Variants in SLC10A7 observed in about 807,000 individuals in gnomAD.
SLC10A7 encodes the protein sodium/bile acid cotransporter 7.
In SLC10A7, 29 loss-of-function variants were observed where a neutral mutation model predicts 43.2. The ratio of observed to expected loss-of-function variants is 0.67; its 90% CI spans 0.50 to 0.92. The LOEUF (loss-of-function observed/expected upper bound fraction) is 0.92. Among genes scored for constraint, SLC10A7 ranks in the 40% least tolerant of loss-of-function variants. The pLI, the probability that SLC10A7 is intolerant of heterozygous loss-of-function variation, is 0.00. For missense variants in SLC10A7, 295 were observed against 403.2 expected (o/e 0.73, Z 2.30); for synonymous variants, 152 against 144.8 (o/e 1.05, Z -0.35).
intron 5 of SLC10A7, among the ~76,000 whole-genome samples, chr4:146,435,585 T>G (rs1343579501): frequency 6.6e-6 from 1 of 152,172 alleles, no homozygotes; most frequent in African/African-American, 2.4e-5. Context: ...CACCACACTA[T>G]TATGCCAGAA....
intron 5 of SLC10A7, among the ~76,000 whole-genome samples, chr4:146,418,977 G>A (rs1341687499): frequency 6.6e-6 from 1 of 152,160 alleles, no homozygotes; most frequent in Non-Finnish European, 1.5e-5. Flanking sequence ...TTATGATAAA[G>A]GATATTACAA....
chr4:146,475,523 C>A (rs1279614275), intron 4 of SLC10A7, among the ~76,000 whole-genome samples: 1 of 152,148 alleles, frequency 6.6e-6, no homozygotes, highest in Non-Finnish European at 1.5e-5. Flanking sequence ...CCACGATTGC[C>A]CTTCTTGAGC....
At chr4:146,467,454 AACACACACACACACACACAC>A (rs35773390) in intron 4 of SLC10A7, among the ~76,000 whole-genome samples, 1 of 140,728 alleles carries the variant, frequency 7.1e-6, no homozygotes, top group Non-Finnish European at 1.5e-5. Flanking sequence ...AGCAGGTTTA[AACACACACACACACACACAC>A]ACACACACAC....
intron 5 of SLC10A7, among the ~76,000 whole-genome samples, chr4:146,410,270 C>G (rs1431664472): frequency 2.0e-5 from 3 of 152,122 alleles, no homozygotes; most frequent in Non-Finnish European, 4.4e-5. Context: ...ATCAGTCTGC[C>G]AATTAAAGAC....
At chr4:146,489,021 C>T (rs1181341866) in intron 4 of SLC10A7, among the ~76,000 whole-genome samples, 1 of 152,136 alleles carries the variant, frequency 6.6e-6, no homozygotes. Flanking sequence ...CATTCCCTGC[C>T]ATCTAATGAG....
chr4:146,492,114 G>C (rs1735508758), intron 4 of SLC10A7, among the ~76,000 whole-genome samples: 1 of 151,968 alleles, frequency 6.6e-6, no homozygotes, highest in African/African-American at 2.4e-5. Context: ...CAGCTACTTG[G>C]GAGGCTGAGG....
At chr4:146,519,217 TGA>T (rs1361094332) in intron 1 of SLC10A7, among the ~76,000 whole-genome samples, 4 of 137,868 alleles carry the variant, frequency 2.9e-5, no homozygotes, top group South Asian at 4.4e-4. Flanking sequence ...AAGGCCCCTC[TGA>T]GAGAGAATAT....
intron 5 of SLC10A7, among the ~76,000 whole-genome samples, chr4:146,338,363 C>CT (rs1734032330): frequency 6.6e-6 from 1 of 151,872 alleles, no homozygotes; most frequent in African/African-American, 2.4e-5. Flanking sequence ...AAAGCTGCCA[C>CT]TACAATTCTC....
intron 7 of SLC10A7, among the ~76,000 whole-genome samples, chr4:146,295,200 A>G (rs1051681629): frequency 1.1e-4 from 17 of 152,176 alleles, no homozygotes; most frequent in African/African-American, 4.1e-4. Flanking sequence ...ATCAACTTCA[A>G]CTGTTCTCAG....
chr4:146,433,684 A>T (rs1179659126), intron 5 of SLC10A7, among the ~76,000 whole-genome samples: 1 of 151,872 alleles, frequency 6.6e-6, no homozygotes, highest in Non-Finnish European at 1.5e-5. Context: ...TGGGCAACAT[A>T]GCGAGATCCC....
intron 5 of SLC10A7, among the ~76,000 whole-genome samples, chr4:146,351,674 A>C (rs1172993546): frequency 6.6e-6 from 1 of 152,026 alleles, no homozygotes; most frequent in Non-Finnish European, 1.5e-5. Flanking sequence ...CCATCAGACT[A>C]ACAGCGGATC....
At chr4:146,389,189 G>A (rs990964021) in intron 5 of SLC10A7, among the ~76,000 whole-genome samples, 7 of 152,086 alleles carry the variant, frequency 4.6e-5, no homozygotes, top group Admixed American at 1.3e-4. Flanking sequence ...GAGGGTGAGG[G>A]TTGAAAATTT....
chr4:146,295,870 TTC>T (rs1730750299), intron 7 of SLC10A7, among the ~76,000 whole-genome samples: 2 of 152,114 alleles, frequency 1.3e-5, no homozygotes, highest in East Asian at 1.9e-4. Context: ...ACCACAAAAT[TTC>T]TCTCTCTGCA....
chr4:146,519,266 A>G (rs1204496774), intron 1 of SLC10A7, among the ~76,000 whole-genome samples: 1 of 142,910 alleles, frequency 7.0e-6, no homozygotes, highest in East Asian at 2.0e-4. Flanking sequence ...ATAATATATA[A>G]CATATTATAT....
chr4:146,434,050 C>CA (rs547190543), intron 5 of SLC10A7, among the ~76,000 whole-genome samples: 1 of 151,238 alleles, frequency 6.6e-6, no homozygotes, highest in Non-Finnish European at 1.5e-5. Flanking sequence ...ATACTGTATC[C>CA]AAAAAAATTA....
intron 5 of SLC10A7, among the ~76,000 whole-genome samples, chr4:146,358,734 G>A (rs146890535): frequency 6.0e-4 from 91 of 152,176 alleles, no homozygotes; most frequent in Admixed American, 1.7e-3. Context: ...TTGTTGTAAT[G>A]TATGAATATC....
rs1441172008 is a variant in SLC10A7 at position 146,470,266 on chromosome 4, C to T, written c.397-27445G>A. 2.6e-5 allele frequency among the ~76,000 whole-genome samples: 4 copies of T among 152,006 alleles called. No individual in the cohort carries two copies. The East Asian group carries it at 7.7e-4, about 29-fold the overall frequency. On this transcript the variant is annotated intron_variant, in intron 4 of 11. Transcript: ENST00000335472. The stretch of plus-strand genomic sequence containing the variant: ...CAAATTTAAGGCATTATTTTAAGTG[C>T]CACTTTTAAAGAATGTTCTCAGTGA...
At chr4:146,395,699 T>A (rs1738777662) in intron 5 of SLC10A7, among the ~76,000 whole-genome samples, 1 of 152,078 alleles carries the variant, frequency 6.6e-6, no homozygotes, top group Non-Finnish European at 1.5e-5. Context: ...ATAACGTCAA[T>A]GAAAACCAAA....
At chr4:146,497,362 A>G (rs374311603) in intron 4 of SLC10A7, among the ~76,000 whole-genome samples, 4 of 152,324 alleles carry the variant, frequency 2.6e-5, no homozygotes, top group Admixed American at 2.0e-4. Context: ...CCCAGATCTG[A>G]CTAAAGACTC....
Sources: allele counts gnomAD v4.1 joint callset (sites outside exome capture counted in the v4.1 genomes callset), GRCh38; gene constraint gnomAD v4.1.1; transcripts MANE v1.5; gene names NCBI Gene and HGNC (gene_info 2026-07-23, HGNC 2026-07-21).